GRM7: variants seen among roughly 807,000 people sequenced by gnomAD.
GRM7 encodes the protein metabotropic glutamate receptor 7.
Under a neutral mutation model 84.5 loss-of-function variants are expected in GRM7, and 35 were observed. That is an observed-to-expected ratio of 0.41 (90% CI 0.32 to 0.55). The LOEUF is 0.55. Ranked by LOEUF, GRM7 falls within the 20% of genes least tolerant of loss-of-function variation. GRM7 has a pLI of 0.19. For synonymous variants in GRM7, 487 were observed against 455.1 expected (o/e 1.07, Z -0.89); for missense variants, 1,003 against 1,194.6 (o/e 0.84, Z 2.36).
chr3:7,434,891 T>A (rs1029336753), intron 5 of GRM7, among the ~76,000 whole-genome samples: 3 of 152,140 alleles, frequency 2.0e-5, no homozygotes, highest in African/African-American at 4.8e-5. Context: ...TCTTAAAATA[T>A]TTAGTAGAAT....
chr3:6,937,824 C>T (rs1697742835), intron 1 of GRM7, among the ~76,000 whole-genome samples: 1 of 152,172 alleles, frequency 6.6e-6, no homozygotes, highest in Non-Finnish European at 1.5e-5. Flanking sequence ...ACGTGGCAAG[C>T]TTGTTGTTGT....
chr3:7,257,729 G>A (rs746192323), intron 2 of GRM7, among the ~76,000 whole-genome samples: 2 of 152,138 alleles, frequency 1.3e-5, no homozygotes, highest in Non-Finnish European at 2.9e-5. Flanking sequence ...GCATGGATCA[G>A]ACCTTGAGCA....
chr3:7,476,373 C>T (rs557202877), intron 7 of GRM7, among the ~76,000 whole-genome samples: 2 of 152,004 alleles, frequency 1.3e-5, no homozygotes, highest in Admixed American at 6.6e-5. Context: ...TGATGAAAAC[C>T]CGTCTCTACT....
intron 1 of GRM7, among the ~76,000 whole-genome samples, chr3:6,952,540 CTCTG>C (rs1692831217): frequency 1.3e-5 from 2 of 152,252 alleles, no homozygotes; most frequent in East Asian, 3.9e-4. Flanking sequence ...GTCTTTTGGG[CTCTG>C]TCTTATTTCC....
chr3:7,204,563 A>G (rs1041229552), intron 2 of GRM7, among the ~76,000 whole-genome samples: 1 of 152,222 alleles, frequency 6.6e-6, no homozygotes. Context: ...CCTGAAGCAC[A>G]CAGCTACCTT....
chr3:7,034,890 A>C (rs1696328588), intron 1 of GRM7, among the ~76,000 whole-genome samples: 1 of 152,220 alleles, frequency 6.6e-6, no homozygotes, highest in Non-Finnish European at 1.5e-5. Flanking sequence ...TGGAGAAGGA[A>C]GTCTCAGACT....
chr3:7,677,272 A>AAAC (rs1553635834), intron 8 of GRM7, among the ~76,000 whole-genome samples: 2,061 of 118,440 alleles, frequency 0.017, 87 homozygotes, highest in African/African-American at 0.087. Context: ...TAAAAAAAAA[A>AAAC]AAAAAAAAAA....
At chr3:7,113,520 G>A (rs931744289) in intron 1 of GRM7, among the ~76,000 whole-genome samples, 12 of 152,092 alleles carry the variant, frequency 7.9e-5, no homozygotes, top group African/African-American at 2.9e-4. Context: ...AAAGTGCTGG[G>A]ATTACAGGCA....
At chr3:7,241,286 A>C (rs1037061831) in intron 2 of GRM7, among the ~76,000 whole-genome samples, 9 of 152,170 alleles carry the variant, frequency 5.9e-5, no homozygotes, top group African/African-American at 2.2e-4. Context: ...ATGGACTACA[A>C]ACATCTGCAT....
intron 7 of GRM7, among the ~76,000 whole-genome samples, chr3:7,532,904 ATTAC>A (rs547587085): frequency 7.7e-4 from 116 of 151,224 alleles, no homozygotes; most frequent in African/African-American, 2.7e-3. Flanking sequence ...AAAGAATGGC[ATTAC>A]TTACATAATG....
intron 1 of GRM7, among the ~76,000 whole-genome samples, chr3:7,048,964 G>C (rs1696894517): frequency 6.6e-6 from 1 of 151,640 alleles, no homozygotes; most frequent in South Asian, 2.1e-4. Flanking sequence ...TTGTTCCTTG[G>C]TTAAAAATAA....
chr3:7,123,094 T>A (rs1693278931), intron 1 of GRM7, among the ~76,000 whole-genome samples: 1 of 152,256 alleles, frequency 6.6e-6, no homozygotes. Context: ...CAGTGGTAAA[T>A]GCACGATTCA....
chr3:7,395,066 G>C (rs1038710192), intron 4 of GRM7, among the ~76,000 whole-genome samples: 1 of 150,718 alleles, frequency 6.6e-6, no homozygotes, highest in African/African-American at 2.4e-5. Context: ...AGTTATAAGC[G>C]TATCTTATAA....
At chr3:7,478,336 T>G (rs778377433) in intron 7 of GRM7, among the ~76,000 whole-genome samples, 1 of 152,162 alleles carries the variant, frequency 6.6e-6, no homozygotes, top group South Asian at 2.1e-4. Flanking sequence ...TCACTTCTTG[T>G]GATATGGGCA....
chr3:6,972,009 A>G (rs542239634), intron 1 of GRM7, among the ~76,000 whole-genome samples: 5 of 152,304 alleles, frequency 3.3e-5, no homozygotes, highest in African/African-American at 1.2e-4. Context: ...TTTACTCTTT[A>G]TAATGTATCT....
At chr3:6,957,078 T>C (rs1693085036) in intron 1 of GRM7, among the ~76,000 whole-genome samples, 2 of 152,364 alleles carry the variant, frequency 1.3e-5, no homozygotes, top group South Asian at 2.1e-4. Flanking sequence ...TTTTATATTA[T>C]AGACCCTTTC....
At chr3:7,092,211 A>C (rs2125010062) in intron 1 of GRM7, among the ~76,000 whole-genome samples, 1 of 152,310 alleles carries the variant, frequency 6.6e-6, no homozygotes, top group African/African-American at 2.4e-5. Flanking sequence ...ATGATGTGTC[A>C]GAACAGAATC....
At chr3:7,664,369 C>A (rs1180520653) in intron 8 of GRM7, among the ~76,000 whole-genome samples, 1 of 152,172 alleles carries the variant, frequency 6.6e-6, no homozygotes, top group African/African-American at 2.4e-5. Flanking sequence ...TGTCCTCATT[C>A]TGATATGGGT....
At chr3:7,514,862 G>C (rs1161138946) in intron 7 of GRM7, among the ~76,000 whole-genome samples, 1 of 152,078 alleles carries the variant, frequency 6.6e-6, no homozygotes, top group African/African-American at 2.4e-5. Context: ...AGTCCGCTTC[G>C]ATGAAACTTT....
Sources: gnomAD v4.1 joint callset for allele counts (sites outside exome capture counted in the v4.1 genomes callset) on GRCh38, gnomAD v4.1.1 for gene constraint, MANE v1.5 for transcripts, NCBI Gene and HGNC (gene_info 2026-07-23, HGNC 2026-07-21) for gene names.